Variants in HCN1 observed in about 807,000 individuals in gnomAD.
The protein encoded by HCN1 is potassium/sodium hyperpolarization-activated cyclic nucleotide-gated channel 1.
In HCN1, 13 loss-of-function variants were observed where a neutral mutation model predicts 78.9. The observed-to-expected ratio is 0.16, with a 90% confidence interval of 0.11 to 0.26. The LOEUF (loss-of-function observed/expected upper bound fraction) is 0.26. Among genes scored for constraint, HCN1 ranks in the 10% least tolerant of loss-of-function variants. HCN1 has a pLI of 1.00. For missense variants in HCN1, 810 were observed against 1,154.3 expected, an observed-to-expected ratio of 0.70 and a Z score of 4.32; for synonymous variants, 552 against 455.5, an observed-to-expected ratio of 1.21 and a Z score of -2.70.
At chr5:45,390,552 C>T (rs1297269626) in intron 4 of HCN1, among the ~76,000 whole-genome samples, 1 of 152,120 alleles carries the variant, frequency 6.6e-6, no homozygotes, top group Non-Finnish European at 1.5e-5. Flanking sequence ...ATGGAGAAAT[C>T]TTTAGCACTT....
chr5:45,523,909 G>A (rs1486965459), intron 2 of HCN1, among the ~76,000 whole-genome samples: 2 of 152,100 alleles, frequency 1.3e-5, no homozygotes, highest in African/African-American at 4.8e-5. Flanking sequence ...CATTGCTTTT[G>A]GGGTTTTGGA....
chr5:45,346,738 A>G (rs949002024), intron 5 of HCN1, among the ~76,000 whole-genome samples: 2 of 152,210 alleles, frequency 1.3e-5, no homozygotes, highest in Admixed American at 1.3e-4. Flanking sequence ...GGAGGGTCCT[A>G]CATCCATGGA....
intron 2 of HCN1, among the ~76,000 whole-genome samples, chr5:45,626,969 C>CAT (rs199807357): frequency 4.0e-5 from 6 of 150,790 alleles, no homozygotes; most frequent in Non-Finnish European, 8.9e-5. Flanking sequence ...ACACACATGC[C>CAT]ATATATATAT....
Position 45,696,118 on chromosome 5 carries a change from G to C in HCN1, c.-25C>G, listed in dbSNP as rs1385533714. 1 of 1,313,326 alleles carries C rather than the reference G, an allele frequency of 7.6e-7. No homozygotes were observed. The highest frequency in any genetic ancestry group is 4.1e-5 in the East Asian group (1 of 24,244). 81.4% of individuals were successfully genotyped at this position (1,313,326 alleles called of 1,614,324 possible). ...TGCCCGGAGGACGCGGCCGGCGACG[G>C]CGCGGGCTCCAGACTCGCCGGCCGC... is the stretch of plus-strand genomic sequence containing the variant. On this transcript the variant is annotated 5_prime_UTR_variant, in exon 1 of 8. Coordinates refer to ENST00000303230, the MANE Select transcript of HCN1 (RefSeq NM_021072.4).
At chr5:45,293,368 T>A (rs1745419935) in intron 6 of HCN1, among the ~76,000 whole-genome samples, 1 of 151,992 alleles carries the variant, frequency 6.6e-6, no homozygotes, top group Non-Finnish European at 1.5e-5. Flanking sequence ...CCAGGCATGG[T>A]GGTATACACC....
At chr5:45,377,406 A>G (rs1372867913) in intron 4 of HCN1, among the ~76,000 whole-genome samples, 1 of 151,982 alleles carries the variant, frequency 6.6e-6, no homozygotes, top group East Asian at 1.9e-4. Context: ...AAATGTGTTT[A>G]TTAAAAATGA....
chr5:45,409,019 C>A (rs541600782), intron 3 of HCN1, among the ~76,000 whole-genome samples: 29 of 152,038 alleles, frequency 1.9e-4, no homozygotes, highest in African/African-American at 5.8e-4. Context: ...ATATGGAATT[C>A]TTTTACCATA....
chr5:45,410,111 C>T (rs991232766), intron 3 of HCN1, among the ~76,000 whole-genome samples: 3 of 151,898 alleles, frequency 2.0e-5, no homozygotes, highest in Non-Finnish European at 4.4e-5. Flanking sequence ...AACATGAGTA[C>T]AGTTTGCATA....
intron 2 of HCN1, among the ~76,000 whole-genome samples, chr5:45,603,747 G>A (rs566537265): frequency 1.3e-5 from 2 of 152,064 alleles, no homozygotes; most frequent in South Asian, 4.1e-4. Flanking sequence ...ATGAAACTTT[G>A]CCAGTTATTG....
At chr5:45,330,369 C>T (rs1746320308) in intron 5 of HCN1, among the ~76,000 whole-genome samples, 1 of 150,964 alleles carries the variant, frequency 6.6e-6, no homozygotes, top group Non-Finnish European at 1.5e-5. Flanking sequence ...AACATTAAAC[C>T]TTATTTTTGT....
intron 4 of HCN1, among the ~76,000 whole-genome samples, chr5:45,385,939 G>T (rs1316505089): frequency 6.6e-6 from 1 of 152,076 alleles, no homozygotes; most frequent in Non-Finnish European, 1.5e-5. Flanking sequence ...CAATCCTCCT[G>T]CCAGATACCA....
intron 4 of HCN1, among the ~76,000 whole-genome samples, chr5:45,396,096 C>T (rs991732204): frequency 2.6e-5 from 4 of 152,094 alleles, no homozygotes; most frequent in African/African-American, 9.7e-5. Flanking sequence ...TACAGAGGGA[C>T]ATGCACAATA....
intron 4 of HCN1, among the ~76,000 whole-genome samples, chr5:45,385,071 G>T (rs1747885552): frequency 6.6e-6 from 1 of 152,096 alleles, no homozygotes; most frequent in South Asian, 2.1e-4. Flanking sequence ...TGGTAATTTA[G>T]CAATTTAAAA....
At chr5:45,366,417 A>AATTT in intron 4 of HCN1, among the ~76,000 whole-genome samples, 2 of 151,770 alleles carry the variant, frequency 1.3e-5, no homozygotes, top group East Asian at 3.9e-4. Context: ...ATTATTATGT[A>AATTT]AGCCCTGTAT....
At chr5:45,617,169 T>C (rs1744974406) in intron 2 of HCN1, among the ~76,000 whole-genome samples, 1 of 152,084 alleles carries the variant, frequency 6.6e-6, no homozygotes, top group Non-Finnish European at 1.5e-5. Context: ...AAACCAGCTT[T>C]CAATTGCTTG....
chr5:45,621,840 C>T (rs1745068108), intron 2 of HCN1, among the ~76,000 whole-genome samples: 1 of 151,816 alleles, frequency 6.6e-6, no homozygotes, highest in African/African-American at 2.4e-5. Flanking sequence ...ATAGTTTAAC[C>T]TAATATAAGC....
At chr5:45,652,096 A>T in intron 1 of HCN1, among the ~76,000 whole-genome samples, 1 of 151,982 alleles carries the variant, frequency 6.6e-6, no homozygotes, top group East Asian at 1.9e-4. Flanking sequence ...GGTTTATTAA[A>T]TTAAGCTAAT....
At chr5:45,695,591 GC>G in intron 1 of HCN1, 77 bp downstream of exon 1, 3 of 1,361,356 alleles carry the variant, frequency 2.2e-6, no homozygotes, top group Non-Finnish European at 2.0e-6. Context: ...TCCCCGGGAC[GC>G]CCCCCACCCA....
intron 2 of HCN1, among the ~76,000 whole-genome samples, chr5:45,482,492 C>T (rs919602452): frequency 2.6e-5 from 4 of 152,084 alleles, no homozygotes; most frequent in Non-Finnish European, 5.9e-5. Context: ...AAAGACTTTC[C>T]ACAGCAAGAC....
Sources: gnomAD v4.1 joint callset for allele counts (sites outside exome capture counted in the v4.1 genomes callset) on GRCh38, gnomAD v4.1.1 for gene constraint, MANE v1.5 for transcripts, NCBI Gene and HGNC (gene_info 2026-07-23, HGNC 2026-07-21) for gene names.